ADARB2: variants seen among roughly 807,000 people sequenced by gnomAD.
The protein encoded by ADARB2 is adenosine deaminase RNA specific B2 (inactive), also known as inactive double-stranded RNA-specific editase B2.
Under a neutral mutation model 62.2 loss-of-function variants are expected in ADARB2, and 25 were observed. That is an observed-to-expected ratio of 0.40 (90% confidence interval 0.29 to 0.56). The LOEUF is 0.56. ADARB2 is among the 20% of genes least tolerant of loss of function. The pLI is 0.43. For missense variants in ADARB2, 1,071 were observed against 1,077.4 expected, an observed-to-expected ratio of 0.99 and a Z score of 0.08; for synonymous variants, 572 against 500.8, an observed-to-expected ratio of 1.14 and a Z score of -1.90.
intron 1 of ADARB2, among the ~76,000 whole-genome samples, chr10:1,607,878 G>A (rs1347411119): frequency 6.6e-6 from 1 of 152,240 alleles, no homozygotes; most frequent in Non-Finnish European, 1.5e-5. Context: ...AAGTGGAAAA[G>A]TGGCTTCTAA....
chr10:1,611,458 T>C (rs1277900267), intron 1 of ADARB2, among the ~76,000 whole-genome samples: 1 of 152,136 alleles, frequency 6.6e-6, no homozygotes, highest in Non-Finnish European at 1.5e-5. Context: ...TCTCCAATAA[T>C]TGATTTTCTC....
rs537528255 is a variant in ADARB2 at position 1,177,639 on chromosome 10, C to T, written c.*5554G>A. Reference sequence around the variant, plus strand: ...ACTGCAGAGAGATAGAAATCTAGGGCCTGTGTGAAAAGAGGCACTGGGACC... The same window carrying T: ...ACTGCAGAGAGATAGAAATCTAGGGTCTGTGTGAAAAGAGGCACTGGGACC... On this transcript the variant is annotated 3_prime_UTR_variant, in exon 10 of 10. Coordinates refer to ENST00000381312, the MANE Select transcript of ADARB2 (RefSeq NM_018702.4). The T allele has an allele frequency of 6.6e-6, 1 of 151,840 alleles. No individual in the cohort carries two copies. Among genetic ancestry groups the T allele is most frequent in the Non-Finnish European group, 1.5e-5 (1 of 68,000 alleles). The allele number at this position is 151,840 out of a possible 1,614,324, so 9.4% of individuals were successfully genotyped here.
rs1383438765 is a variant in ADARB2 at position 1,232,675 on chromosome 10, TGTGAC to T, written c.1513+1014_1513+1018del. Among the ~76,000 whole-genome samples the T allele has an allele frequency of 7.1e-4, 108 of 151,646 alleles. 1 individual carries two copies. Among genetic ancestry groups the T allele is most frequent in the Admixed American group, 2.4e-3 (36 of 15,228 alleles). ...GTATATGTGGTATGCATGTGGTGCT[TGTGAC>T]GTGTGTGGTATATGTGGTGTGTGCA... On this transcript the variant is annotated intron_variant, in intron 6 of 9. Coordinates refer to ENST00000381312, the MANE Select transcript of ADARB2 (RefSeq NM_018702.4).
chr10:1,523,911 C>T (rs1354753923), intron 1 of ADARB2, among the ~76,000 whole-genome samples: 1 of 152,186 alleles, frequency 6.6e-6, no homozygotes, highest in Non-Finnish European at 1.5e-5. Flanking sequence ...TTTCTCTAAT[C>T]AACCTGATCT....
intron 8 of ADARB2, chr10:1,199,692 G>A: frequency 2.5e-6 from 1 of 392,522 alleles, no homozygotes; most frequent in Non-Finnish European, 4.5e-6. Flanking sequence ...CAACACTAGT[G>A]ATTCTGTTTT....
chr10:1,215,632 T>C (rs980663526), intron 7 of ADARB2: 1 of 152,084 alleles, frequency 6.6e-6, no homozygotes, highest in Non-Finnish European at 1.5e-5. Flanking sequence ...AATGCGCTGT[T>C]TTCACTCCAG....
chr10:1,718,463 C>T (rs748434086), intron 1 of ADARB2, among the ~76,000 whole-genome samples: 7 of 152,276 alleles, frequency 4.6e-5, no homozygotes, highest in South Asian at 2.1e-4. Context: ...AGGGCTGACC[C>T]GAAATGTCAC....
At chr10:1,423,326 G>C (rs1434720143) in intron 1 of ADARB2, among the ~76,000 whole-genome samples, 1 of 152,184 alleles carries the variant, frequency 6.6e-6, no homozygotes, top group Admixed American at 6.5e-5. Context: ...TTAAAACTCA[G>C]CTCAACTCCC....
At chr10:1,431,138 ATTTTTCAATTTCTT>A (rs59955595) in intron 1 of ADARB2, among the ~76,000 whole-genome samples, 34,191 of 152,104 alleles carry the variant, frequency 0.22, 5,514 homozygotes, top group African/African-American at 0.45. Context: ...GAATACACAT[ATTTTTCAATTTCTT>A]CTGAAACACT....
At chr10:1,598,562 C>G (rs113575793) in intron 1 of ADARB2, among the ~76,000 whole-genome samples, 2,515 of 152,182 alleles carry the variant, frequency 0.017, 67 homozygotes, top group African/African-American at 0.057. Flanking sequence ...CGAAACGGGT[C>G]GGGGATGTGG....
chr10:1,367,920 A>C (rs1471134778), intron 2 of ADARB2, among the ~76,000 whole-genome samples: 3 of 152,208 alleles, frequency 2.0e-5, no homozygotes, highest in Admixed American at 6.5e-5. Flanking sequence ...TGAATGTCAG[A>C]TTGTGGTATA....
intron 3 of ADARB2, among the ~76,000 whole-genome samples, chr10:1,349,237 C>G (rs551399876): frequency 1.1e-4 from 17 of 152,292 alleles, no homozygotes; most frequent in African/African-American, 3.6e-4. Flanking sequence ...GACTCCCACC[C>G]CTGCCTGCCA....
chr10:1,732,223 G>A (rs1206463771), intron 1 of ADARB2, among the ~76,000 whole-genome samples: 1 of 149,240 alleles, frequency 6.7e-6, no homozygotes, highest in Non-Finnish European at 1.5e-5. Context: ...TATATAATAT[G>A]TATGTGTGTA....
intron 3 of ADARB2, among the ~76,000 whole-genome samples, chr10:1,273,320 G>A (rs1831282460): frequency 6.6e-6 from 1 of 152,132 alleles, no homozygotes; most frequent in Non-Finnish European, 1.5e-5. Context: ...GAGTGCAGTG[G>A]CACTATCACG....
Position 1,434,978 on chromosome 10 carries a change from C to T in ADARB2, c.101-55818G>A, listed in dbSNP as rs144344282. Among the ~76,000 whole-genome samples, 313 of 152,332 alleles carry T rather than the reference C, an allele frequency of 2.1e-3. 1 individual carries two copies. Among genetic ancestry groups the T allele is most frequent in the African/African-American group, 4.4e-3 (182 of 41,562 alleles). Reference sequence around the variant, plus strand: ...TATTGGGCAGAGAGAAATAGCAGCCCAACCCTCAGTTTGGTCCGGGAACAA... The same window carrying T: ...TATTGGGCAGAGAGAAATAGCAGCCTAACCCTCAGTTTGGTCCGGGAACAA... On this transcript the variant is annotated intron_variant, in intron 1 of 9. Transcript: ENST00000381312.
intron 6 of ADARB2, among the ~76,000 whole-genome samples, chr10:1,224,802 C>CAA: frequency 6.6e-6 from 1 of 152,242 alleles, no homozygotes; most frequent in Admixed American, 6.5e-5. Context: ...AATTTCGGTT[C>CAA]TTTTACATTT....
At chr10:1,687,745 G>T (rs1834614649) in intron 1 of ADARB2, among the ~76,000 whole-genome samples, 2 of 152,110 alleles carry the variant, frequency 1.3e-5, no homozygotes, top group Non-Finnish European at 2.9e-5. Context: ...GCCGTGAATT[G>T]TGATGAGGAT....
At chr10:1,475,680 A>G (rs888471903) in intron 1 of ADARB2, among the ~76,000 whole-genome samples, 6 of 152,332 alleles carry the variant, frequency 3.9e-5, no homozygotes, top group African/African-American at 1.4e-4. Flanking sequence ...AGACCTTATT[A>G]TGAGAATTCT....
At chr10:1,646,509 G>A (rs11250698) in intron 1 of ADARB2, among the ~76,000 whole-genome samples, 35,435 of 152,184 alleles carry the variant, frequency 0.23, 4,177 homozygotes, top group Middle Eastern at 0.28. Flanking sequence ...GAAGGGCAGC[G>A]GCTTTAGCCG....
Sources: gnomAD v4.1 joint callset for allele counts (sites outside exome capture counted in the v4.1 genomes callset) on GRCh38, gnomAD v4.1.1 for gene constraint, MANE v1.5 for transcripts, NCBI Gene and HGNC (gene_info 2026-07-23, HGNC 2026-07-21) for gene names.